The following NDUFA5 variants were observed in gnomAD, a reference collection of about 807,000 sequenced individuals.
NDUFA5 encodes NADH:ubiquinone oxidoreductase subunit A5, also known as NADH dehydrogenase [ubiquinone] 1 alpha subcomplex subunit 5.
Under a neutral mutation model 19.8 loss-of-function variants are expected in NDUFA5, and 11 were observed. The observed-to-expected ratio is 0.56, with a 90% CI of 0.35 to 0.92. NDUFA5 has a LOEUF of 0.92. NDUFA5 is among the 40% of genes least tolerant of loss of function. NDUFA5 has a pLI of 0.01. For missense variants in NDUFA5, 109 were observed against 134.2 expected (o/e 0.81, Z 0.93); for synonymous variants, 47 against 46.8 (o/e 1.00, Z -0.01).
At chr7:123,591,719 T>A in the NDUFA5 span, among the ~76,000 whole-genome samples, 1 of 152,214 alleles carries the variant, frequency 6.6e-6, no homozygotes, top group Admixed American at 6.5e-5. Context: ...TACTGAGGAT[T>A]TTCACATCGA....
intron 1 of NDUFA5, 55 bp downstream of exon 1, chr7:123,557,720 G>A: frequency 6.2e-7 from 1 of 1,613,992 alleles, no homozygotes; most frequent in Non-Finnish European, 8.5e-7. Context: ...TAGGGCTATC[G>A]GACTGAGTCT....
the NDUFA5 span, among the ~76,000 whole-genome samples, chr7:123,569,556 A>T: frequency 6.6e-6 from 1 of 152,218 alleles, no homozygotes; most frequent in Non-Finnish European, 1.5e-5. Context: ...TCTGGAAGGA[A>T]GTGAGAGAGT....
chr7:123,576,798 C>T, the NDUFA5 span, among the ~76,000 whole-genome samples: 11 of 152,192 alleles, frequency 7.2e-5, no homozygotes, highest in Admixed American at 1.3e-4. Context: ...TCTGCTGCCA[C>T]TAGGTTTTCT....
chr7:123,572,117 T>C, the NDUFA5 span, among the ~76,000 whole-genome samples: 1 of 143,498 alleles, frequency 7.0e-6, no homozygotes, highest in Non-Finnish European at 1.5e-5. Flanking sequence ...GATTTTACAG[T>C]GATTGTAGAA....
intron 2 of NDUFA5, chr7:123,555,563 G>A (rs1411690277): frequency 1.3e-5 from 2 of 152,152 alleles, no homozygotes; most frequent in Admixed American, 6.5e-5. Flanking sequence ...GAAAAATACA[G>A]CCCACAGAGG....
chr7:123,566,006 G>A, the NDUFA5 span, among the ~76,000 whole-genome samples: 2 of 149,894 alleles, frequency 1.3e-5, no homozygotes, highest in Non-Finnish European at 3.0e-5. Flanking sequence ...GTGACAGAGT[G>A]AGACTCCGTC....
At chr7:123,596,515 T>C in the NDUFA5 span, 11 of 151,926 alleles carry the variant, frequency 7.2e-5, no homozygotes, top group African/African-American at 2.4e-4. Context: ...AGGAGGCTGA[T>C]GCGAGATGAT....
chr7:123,557,088 G>A (rs757000595), intron 2 of NDUFA5: 11 of 577,664 alleles, frequency 1.9e-5, no homozygotes, highest in Non-Finnish European at 3.6e-5. Flanking sequence ...AAACGGTAAG[G>A]CAAGGAGAAA....
the NDUFA5 span, among the ~76,000 whole-genome samples, chr7:123,590,925 C>T: frequency 6.6e-6 from 1 of 152,100 alleles, no homozygotes; most frequent in Admixed American, 6.6e-5. Context: ...TTCTTCCTAT[C>T]GATGAGTATG....
intron 2 of NDUFA5, among the ~76,000 whole-genome samples, chr7:123,553,591 T>C (rs576761350): frequency 1.3e-5 from 2 of 152,104 alleles, no homozygotes; most frequent in African/African-American, 2.4e-5. Flanking sequence ...AAAAAATAAG[T>C]GTGTGTTTGG....
At chr7:123,593,154 C>T in the NDUFA5 span, among the ~76,000 whole-genome samples, 6 of 151,918 alleles carry the variant, frequency 3.9e-5, no homozygotes, top group Admixed American at 3.3e-4. Flanking sequence ...TTATTTTGAG[C>T]CTATGTGTGT....
At chr7:123,588,391 G>T in the NDUFA5 span, among the ~76,000 whole-genome samples, 1 of 151,256 alleles carries the variant, frequency 6.6e-6, no homozygotes, top group African/African-American at 2.4e-5. Flanking sequence ...CATTTCATTT[G>T]AATCTTCTCT....
the NDUFA5 span, among the ~76,000 whole-genome samples, chr7:123,573,924 A>C: frequency 6.6e-6 from 1 of 152,146 alleles, no homozygotes; most frequent in South Asian, 2.1e-4. Context: ...GGGTCAAGGC[A>C]GGGGACAAAA....
At chr7:123,573,202 A>AATTTT in the NDUFA5 span, among the ~76,000 whole-genome samples, 5 of 151,492 alleles carry the variant, frequency 3.3e-5, no homozygotes, top group African/African-American at 1.2e-4. Flanking sequence ...AGAGTTAGTT[A>AATTTT]ATTTTATTTT....
At chr7:123,556,426 G>A (rs1798541300) in intron 2 of NDUFA5, 1 of 162,952 alleles carries the variant, frequency 6.1e-6, no homozygotes, top group Non-Finnish European at 1.3e-5. Context: ...TGGTGACAGA[G>A]TACAGGTCCA....
At chr7:123,546,067 C>T (rs1050627250) in intron 3 of NDUFA5, among the ~76,000 whole-genome samples, 2 of 152,022 alleles carry the variant, frequency 1.3e-5, no homozygotes, top group Non-Finnish European at 2.9e-5. Context: ...AACAGAAATG[C>T]ATAATATATT....
At chr7:123,566,548 C>G in the NDUFA5 span, among the ~76,000 whole-genome samples, 1 of 152,064 alleles carries the variant, frequency 6.6e-6, no homozygotes, top group Admixed American at 6.6e-5. Flanking sequence ...GAAAAATAGG[C>G]CTTTACCAAA....
At chr7:123,589,301 TTTATTA>T in the NDUFA5 span, among the ~76,000 whole-genome samples, 29 of 147,482 alleles carry the variant, frequency 2.0e-4, no homozygotes, top group African/African-American at 6.2e-4. Flanking sequence ...CTTTCATCTC[TTTATTA>T]TTATTATTAT....
At chr7:123,557,837 A>T (rs1367925130), upstream of NDUFA5, 1 of 1,613,860 alleles carries the variant, frequency 6.2e-7, no homozygotes, top group Admixed American at 1.7e-5. Flanking sequence ...CTTTGGGAAC[A>T]ATTCTCAGAC....
Sources: allele counts gnomAD v4.1 joint callset (sites outside exome capture counted in the v4.1 genomes callset), GRCh38; gene constraint gnomAD v4.1.1; transcripts MANE v1.5; gene names NCBI Gene and HGNC (gene_info 2026-07-23, HGNC 2026-07-21).